SMAD3: variants seen among roughly 807,000 people sequenced by gnomAD.
The protein encoded by SMAD3 is MAD homolog 3.
Under a neutral mutation model 51.8 loss-of-function variants are expected in SMAD3, and 12 were observed. The ratio of observed to expected loss-of-function variants is 0.23; its 90% CI spans 0.15 to 0.38. The LOEUF (loss-of-function observed/expected upper bound fraction) is 0.38, where lower values mean the gene tolerates loss of function less well. SMAD3 is among the 10% of genes least tolerant of loss of function. The probability of loss-of-function intolerance (pLI) is 1.00; values close to 1 mark genes in which losing one functional copy is unlikely to be tolerated. For missense variants in SMAD3, 294 were observed against 565.6 expected (o/e 0.52, Z 4.87); for synonymous variants, 238 against 227.7 (o/e 1.05, Z -0.41).
chr15:67,088,729 C>T (rs1336537973), intron 1 of SMAD3, among the ~76,000 whole-genome samples: 1 of 152,142 alleles, frequency 6.6e-6, no homozygotes, highest in Non-Finnish European at 1.5e-5. Flanking sequence ...GAGTTCGAGA[C>T]CAGCCCGACC....
At chr15:67,179,715 C>A (rs1443021192) in intron 5 of SMAD3, among the ~76,000 whole-genome samples, 1 of 152,178 alleles carries the variant, frequency 6.6e-6, no homozygotes, top group African/African-American at 2.4e-5. Context: ...GCTTTACACA[C>A]CTTCAGAAGG....
At chr15:67,173,840 G>C (rs771222386) in intron 5 of SMAD3, among the ~76,000 whole-genome samples, 27 of 152,362 alleles carry the variant, frequency 1.8e-4, no homozygotes, top group Admixed American at 3.3e-4. Flanking sequence ...GCATTTGAGA[G>C]GGAATCATGG....
intron 1 of SMAD3, among the ~76,000 whole-genome samples, chr15:67,080,957 C>T (rs1388840403): frequency 1.3e-5 from 2 of 152,208 alleles, no homozygotes; most frequent in African/African-American, 4.8e-5. Flanking sequence ...CTCAACTCTC[C>T]AACCAGACTG....
rs1962637914 is a variant in SMAD3, at chr15:67,168,012, A to G, written c.607+1159A>G. Among the ~76,000 whole-genome samples, 3 of 152,186 alleles carry G rather than the reference A, an allele frequency of 2.0e-5. No homozygotes were observed. The South Asian group carries it at 6.2e-4, about 31-fold the overall frequency. ...TCTGTTGCCCAGGCTGGCGTGTAGT[A>G]GCGCGATCTCAGCTTACTGCAACCT... On this transcript the variant is annotated intron_variant, in intron 4 of 8. Transcript: ENST00000327367.
chr15:67,186,047 G>A (rs929001421), intron 7 of SMAD3, among the ~76,000 whole-genome samples: 3 of 152,276 alleles, frequency 2.0e-5, no homozygotes, highest in African/African-American at 7.2e-5. Flanking sequence ...AGTACATTCC[G>A]ATCGTTGACC....
chr15:67,089,678 G>A (rs1378363337), intron 1 of SMAD3, among the ~76,000 whole-genome samples: 1 of 152,180 alleles, frequency 6.6e-6, no homozygotes, highest in East Asian at 1.9e-4. Context: ...TCCAACTGAT[G>A]TCACTGGGAA....
At position 67,155,293 on chromosome 15, in the gene SMAD3, A is replaced by G. The variant is rs1342688950; in HGVS notation, c.207-9602A>G. On this transcript the variant is annotated intron_variant, in intron 1 of 8. Coordinates refer to ENST00000327367, the MANE Select transcript of SMAD3 (RefSeq NM_005902.4). ...ACTCCCTGAAGAACCTCTGCCCAGAACAAAGGATGCTTTGGATTTGACTGT... is the reference window on the plus strand; with the variant it reads ...ACTCCCTGAAGAACCTCTGCCCAGAGCAAAGGATGCTTTGGATTTGACTGT... Among the ~76,000 whole-genome samples the G allele has an allele frequency of 3.3e-5, 5 of 152,220 alleles. 1 individual carries two copies. Among genetic ancestry groups the G allele is most frequent in the Admixed American group, 3.3e-4 (5 of 15,286 alleles).
chr15:67,092,850 C>T (rs1049667585), intron 1 of SMAD3, among the ~76,000 whole-genome samples: 54 of 152,122 alleles, frequency 3.5e-4, no homozygotes, highest in Admixed American at 3.3e-3. Flanking sequence ...ATAACAGGCA[C>T]GATGTTCCAT....
At chr15:67,073,887 G>C (rs1960109952) in intron 1 of SMAD3, among the ~76,000 whole-genome samples, 1 of 152,174 alleles carries the variant, frequency 6.6e-6, no homozygotes, top group Admixed American at 6.5e-5. Context: ...TGGCCAGGCT[G>C]GTCTCCAACT....
At position 67,093,330 on chromosome 15, in the gene SMAD3, C is replaced by G. The variant is rs557866668; in HGVS notation, c.206+26970C>G. ...CCTTAGCGGGCCTGTGAATATAAAG[C>G]CTTCAGGATCCACACCTCTGCCAGG... On this transcript the variant is annotated intron_variant, in intron 1 of 8. Coordinates refer to ENST00000327367, the MANE Select transcript of SMAD3 (RefSeq NM_005902.4). Among the ~76,000 whole-genome samples the G allele has an allele frequency of 7.9e-5, 12 of 152,306 alleles. No homozygotes were observed. The South Asian group carries it at 1.5e-3, about 18-fold the overall frequency.
At chr15:67,121,948 T>A (rs996835845) in intron 1 of SMAD3, among the ~76,000 whole-genome samples, 18 of 152,260 alleles carry the variant, frequency 1.2e-4, no homozygotes, top group African/African-American at 4.3e-4. Flanking sequence ...CTCATGTGGC[T>A]ATTTAAATGT....
intron 1 of SMAD3, among the ~76,000 whole-genome samples, chr15:67,097,596 T>C (rs1038795641): frequency 6.6e-6 from 1 of 152,172 alleles, no homozygotes; most frequent in Non-Finnish European, 1.5e-5. Context: ...TGTTCAAGCC[T>C]CCTGGAGCCT....
intron 1 of SMAD3, among the ~76,000 whole-genome samples, chr15:67,150,740 C>T (rs17227883): frequency 0.2 from 28,802 of 145,286 alleles, 3,503 homozygotes; most frequent in Non-Finnish European, 0.29. Flanking sequence ...TGAGGTTTGC[C>T]GGCAGATAAG....
chr15:67,123,573 ATAG>A (rs1961318283), intron 1 of SMAD3, among the ~76,000 whole-genome samples: 3 of 152,248 alleles, frequency 2.0e-5, no homozygotes, highest in South Asian at 2.1e-4. Flanking sequence ...GTGTTAGTAA[ATAG>A]TAGCCATTAA....
chr15:67,127,028 C>T (rs1482308748), intron 1 of SMAD3, among the ~76,000 whole-genome samples: 14 of 152,130 alleles, frequency 9.2e-5, no homozygotes, highest in Admixed American at 9.2e-4. Context: ...TCGTGGTGGT[C>T]AGTTTTTCCA....
chr15:67,167,416 G>A (rs1872110174), intron 4 of SMAD3, among the ~76,000 whole-genome samples: 1 of 152,190 alleles, frequency 6.6e-6, no homozygotes, highest in Admixed American at 6.5e-5. Flanking sequence ...GTCCCAGTGT[G>A]GTGGACCTTC....
chr15:67,136,503 T>C (rs956626088), intron 1 of SMAD3, among the ~76,000 whole-genome samples: 1 of 152,186 alleles, frequency 6.6e-6, no homozygotes, highest in African/African-American at 2.4e-5. Context: ...CTAATTTTTG[T>C]ATTTTTTAGT....
intron 1 of SMAD3, among the ~76,000 whole-genome samples, chr15:67,087,712 A>G (rs1960423481): frequency 6.6e-6 from 1 of 151,216 alleles, no homozygotes; most frequent in Non-Finnish European, 1.5e-5. Flanking sequence ...AAAGCCCTGT[A>G]TAGAGCAAAG....
chr15:67,150,047 GA>G (rs1962086071), intron 1 of SMAD3, among the ~76,000 whole-genome samples: 2 of 152,210 alleles, frequency 1.3e-5, no homozygotes, highest in African/African-American at 2.4e-5. Context: ...TTAAAAAGAA[GA>G]GACTGAGTTG....
Sources: allele counts gnomAD v4.1 joint callset (sites outside exome capture counted in the v4.1 genomes callset), GRCh38; gene constraint gnomAD v4.1.1; transcripts MANE v1.5; gene names NCBI Gene and HGNC (gene_info 2026-07-23, HGNC 2026-07-21).